Variants in TBL1XR1 observed in about 807,000 individuals in gnomAD.
The protein encoded by TBL1XR1 is F-box-like/WD repeat-containing protein TBL1XR1.
In TBL1XR1, 5 loss-of-function variants were observed where a neutral mutation model predicts 66.9. The ratio of observed to expected loss-of-function variants is 0.07; its 90% CI spans 0.04 to 0.16. TBL1XR1 has a LOEUF of 0.16. Among genes scored for constraint, TBL1XR1 ranks in the 10% least tolerant of loss-of-function variants. The pLI is 1.00. For missense variants in TBL1XR1, 238 were observed against 623.2 expected, an observed-to-expected ratio of 0.38 and a Z score of 6.58; for synonymous variants, 210 against 206.0, an observed-to-expected ratio of 1.02 and a Z score of -0.17.
chr3:177,041,246 C>G (rs963551689), intron 10 of TBL1XR1: 1 of 152,392 alleles, frequency 6.6e-6, no homozygotes, highest in Non-Finnish European at 1.5e-5. Context: ...CTTCACAGAA[C>G]TGCCTTGCTC....
chr3:177,201,785 C>T (rs1458912650), upstream of TBL1XR1: 1 of 152,212 alleles, frequency 6.6e-6, no homozygotes, highest in African/African-American at 2.4e-5. Flanking sequence ...CCCCAGGCGT[C>T]TTGCTGATAC....
At chr3:177,031,074 C>T (rs1713921235) in intron 14 of TBL1XR1, among the ~76,000 whole-genome samples, 1 of 152,026 alleles carries the variant, frequency 6.6e-6, no homozygotes, top group African/African-American at 2.4e-5. Flanking sequence ...ATCGTGCCAT[C>T]GCACTCCAGC....
chr3:177,069,207 G>C (rs193063489), intron 2 of TBL1XR1, among the ~76,000 whole-genome samples: 1 of 152,124 alleles, frequency 6.6e-6, no homozygotes, highest in South Asian at 2.1e-4. Context: ...AACCTTGCAA[G>C]CTACCTGAGA....
chr3:177,179,424 GAC>G (rs1417766607), intron 1 of TBL1XR1, among the ~76,000 whole-genome samples: 1 of 152,184 alleles, frequency 6.6e-6, no homozygotes, highest in African/African-American at 2.4e-5. Flanking sequence ...TCCGGATACA[GAC>G]ACACGCTGGA....
rs1370415047 is a variant in TBL1XR1 at position 177,144,566 on chromosome 3, G to A, written c.-121-46025C>T. Among the ~76,000 whole-genome samples the A allele has an allele frequency of 2.0e-5, 3 of 151,900 alleles. No individual in the cohort carries two copies. The South Asian group carries it at 6.2e-4, about 32-fold the overall frequency. The stretch of plus-strand genomic sequence containing the variant: ...CAGGAGATCGAGACCATCCTGGCTA[G>A]CACAGTGAAACCCCATCTCTACTTT... On this transcript the variant is annotated intron_variant, in intron 1 of 15. Transcript: ENST00000457928.
chr3:177,069,804 G>GGAA (rs1491165536), intron 2 of TBL1XR1, among the ~76,000 whole-genome samples: 19 of 105,546 alleles, frequency 1.8e-4, no homozygotes, highest in African/African-American at 6.5e-4. Context: ...AAGGAAGGAA[G>GGAA]GAAGGAAGGA....
chr3:177,135,285 A>G (rs1728798776), intron 1 of TBL1XR1, among the ~76,000 whole-genome samples: 1 of 121,988 alleles, frequency 8.2e-6, no homozygotes, highest in East Asian at 2.4e-4. Context: ...TACAGGTGTG[A>G]GCCACCGCAC....
At chr3:177,102,009 A>C (rs999185839) in intron 1 of TBL1XR1, among the ~76,000 whole-genome samples, 3 of 152,202 alleles carry the variant, frequency 2.0e-5, no homozygotes, top group African/African-American at 7.2e-5. Context: ...ATAGAAACTA[A>C]TAAGATATGG....
At chr3:177,147,835 G>T (rs952890928) in intron 1 of TBL1XR1, among the ~76,000 whole-genome samples, 1 of 152,174 alleles carries the variant, frequency 6.6e-6, no homozygotes, top group African/African-American at 2.4e-5. Context: ...AGGTCCTGTA[G>T]GGAGAAGCCA....
intron 3 of TBL1XR1, among the ~76,000 whole-genome samples, chr3:177,061,973 T>G (rs1718572151): frequency 1.3e-5 from 2 of 152,166 alleles, no homozygotes; most frequent in Admixed American, 1.3e-4. Context: ...GCATTTGTTA[T>G]GAGTGAGATT....
chr3:177,187,957 T>C (rs1258775343), intron 1 of TBL1XR1, among the ~76,000 whole-genome samples: 1 of 143,184 alleles, frequency 7.0e-6, no homozygotes, highest in Non-Finnish European at 1.5e-5. Flanking sequence ...TTTTTTTTTT[T>C]TTTTTTTTTT....
Position 177,024,713 on chromosome 3 carries a change from G to GAAAAAAAAAAAAAAAAAACAAAAAAAA in TBL1XR1, c.*784_*785insTTTTTTTTGTTTTTTTTTTTTTTTTTT, listed in dbSNP as rs148659524. On this transcript the variant is annotated 3_prime_UTR_variant, in exon 16 of 16. Transcript: ENST00000457928. Reference sequence around the variant, plus strand: ...AGCCACATCACCAAAAAACAAAAAAGAAAAAAAAAAAAAAAAAGCAAAACA... The same window carrying GAAAAAAAAAAAAAAAAAACAAAAAAAA: ...AGCCACATCACCAAAAAACAAAAAAGAAAAAAAAAAAAAAAAAACAAAAAAAAAAAAAAAAAAAAAAAAAGCAAAACA... 3.5e-5 allele frequency: 3 copies of GAAAAAAAAAAAAAAAAAACAAAAAAAA among 85,354 alleles called. No individual in the cohort carries two copies. The highest frequency in any genetic ancestry group is 8.4e-5 in the African/African-American group (2 of 23,750). 5.3% of individuals were successfully genotyped at this position (85,354 alleles called of 1,614,324 possible). A position where few individuals can be genotyped will look rare whatever the true frequency, so the allele number is the denominator to read the frequency against.
intron 10 of TBL1XR1, among the ~76,000 whole-genome samples, chr3:177,039,386 C>T (rs995365062): frequency 7.9e-5 from 12 of 152,128 alleles, no homozygotes; most frequent in African/African-American, 2.9e-4. Context: ...AGTATCATTC[C>T]CATTATCATC....
At chr3:177,150,328 G>T (rs7621281) in intron 1 of TBL1XR1, among the ~76,000 whole-genome samples, 54,988 of 151,960 alleles carry the variant, frequency 0.36, 10,949 homozygotes, top group East Asian at 0.65. Flanking sequence ...GTTGATATTT[G>T]AACAGAGTAC....
chr3:177,083,747 C>A (rs1340236191), intron 2 of TBL1XR1, among the ~76,000 whole-genome samples: 1 of 152,144 alleles, frequency 6.6e-6, no homozygotes, highest in Non-Finnish European at 1.5e-5. Context: ...AATACTGCAA[C>A]TTGCCCATCA....
intron 1 of TBL1XR1, among the ~76,000 whole-genome samples, chr3:177,099,119 C>A (rs1723865080): frequency 6.6e-6 from 1 of 152,146 alleles, no homozygotes. Context: ...GTAATCCCAG[C>A]ACTTTGGGAG....
intron 14 of TBL1XR1, among the ~76,000 whole-genome samples, chr3:177,029,933 T>C (rs1713702231): frequency 6.6e-6 from 1 of 152,224 alleles, no homozygotes; most frequent in Non-Finnish European, 1.5e-5. Context: ...TGGAAAAATG[T>C]TCACCAGTCT....
chr3:177,158,229 CTTTTTT>C (rs869191638), intron 1 of TBL1XR1, among the ~76,000 whole-genome samples: 1 of 40,662 alleles, frequency 2.5e-5, no homozygotes, highest in Non-Finnish European at 8.1e-5. Context: ...TGTTTCTTTT[CTTTTTT>C]TTTTTTTTTT....
At chr3:177,180,602 G>C (rs1415775090) in intron 1 of TBL1XR1, among the ~76,000 whole-genome samples, 1 of 151,954 alleles carries the variant, frequency 6.6e-6, no homozygotes, top group Non-Finnish European at 1.5e-5. Context: ...AGTAAATTCT[G>C]GTTTCTAGAA....
Sources: gnomAD v4.1 joint callset for allele counts (sites outside exome capture counted in the v4.1 genomes callset) on GRCh38, gnomAD v4.1.1 for gene constraint, MANE v1.5 for transcripts, NCBI Gene and HGNC (gene_info 2026-07-23, HGNC 2026-07-21) for gene names.